ENOX1: variants seen among roughly 807,000 people sequenced by gnomAD.
ENOX1 encodes candidate growth-related and time keeping constitutive hydroquinone (NADH) oxidase.
Under a neutral mutation model 82.5 loss-of-function variants are expected in ENOX1, and 42 were observed. That is an observed-to-expected ratio of 0.51 (90% CI 0.40 to 0.66). ENOX1 has a LOEUF of 0.66. Ranked by LOEUF, ENOX1 falls within the 30% of genes least tolerant of loss-of-function variation. The pLI is 0.00. For synonymous variants in ENOX1, 271 were observed against 282.2 expected (o/e 0.96, Z 0.40); for missense variants, 608 against 811.6 (o/e 0.75, Z 3.05).
At position 43,558,073 on chromosome 13, in the gene ENOX1, C is replaced by T. The variant is rs144934818; in HGVS notation, c.-218-73921G>A. 2.2e-3 allele frequency among the ~76,000 whole-genome samples: 332 copies of T among 152,238 alleles called. 2 individuals are homozygous for T. In the Middle Eastern group the frequency reaches 0.037, roughly 17 times the overall value. On this transcript the variant is annotated intron_variant, in intron 2 of 16. Transcript: ENST00000690772. ...ATGAGAGCTGCACCATGAGTACATG[C>T]TACTTGGAAGGCTGCTTCTGTGGTC... is the stretch of plus-strand genomic sequence containing the variant.
chr13:43,555,553 G>A (rs1477628429), intron 2 of ENOX1, among the ~76,000 whole-genome samples: 1 of 152,170 alleles, frequency 6.6e-6, no homozygotes, highest in African/African-American at 2.4e-5. Context: ...AACATTATGT[G>A]GCAAGGCAGA....
intron 4 of ENOX1, 120 bp from the exon 5 acceptor site, chr13:43,412,173 A>G (rs1192569684): frequency 3.7e-6 from 4 of 1,086,958 alleles, no homozygotes; most frequent in Non-Finnish European, 3.9e-6. Flanking sequence ...CAAAAAAAAA[A>G]TAAAGAACTA....
chr13:43,292,089 T>C (rs975023464), intron 12 of ENOX1, among the ~76,000 whole-genome samples: 1 of 151,930 alleles, frequency 6.6e-6, no homozygotes, highest in Non-Finnish European at 1.5e-5. Context: ...AACCTGTACA[T>C]AAAAGAGAGA....
intron 9 of ENOX1, among the ~76,000 whole-genome samples, chr13:43,341,152 A>C (rs9562478): frequency 0.22 from 33,464 of 151,698 alleles, 4,620 homozygotes; most frequent in East Asian, 0.58. Flanking sequence ...AAAAAATCAG[A>C]TGGGCGTGGT....
chr13:43,310,028 C>A (rs982180192), intron 11 of ENOX1, among the ~76,000 whole-genome samples: 1 of 151,784 alleles, frequency 6.6e-6, no homozygotes, highest in Non-Finnish European at 1.5e-5. Flanking sequence ...ACAGTGAGAC[C>A]CCGTCTCTAC....
intron 2 of ENOX1, among the ~76,000 whole-genome samples, chr13:43,588,896 T>G (rs1480867071): frequency 1.3e-5 from 2 of 152,304 alleles, no homozygotes; most frequent in East Asian, 3.9e-4. Flanking sequence ...TCTTGGTGTC[T>G]CTTAACCATA....
intron 11 of ENOX1, among the ~76,000 whole-genome samples, chr13:43,317,497 C>T (rs1203630759): frequency 6.6e-6 from 1 of 151,920 alleles, no homozygotes; most frequent in African/African-American, 2.4e-5. Flanking sequence ...GGTTGTCCTG[C>T]TATTCAAAGA....
chr13:43,717,812 A>G (rs760258602), intron 1 of ENOX1, among the ~76,000 whole-genome samples: 2 of 152,242 alleles, frequency 1.3e-5, no homozygotes, highest in African/African-American at 2.4e-5. Context: ...CATCAGAGAA[A>G]TGCAAATCAA....
Position 43,668,670 on chromosome 13 carries a change from A to G in ENOX1, c.-284-1126T>C, listed in dbSNP as rs561350156. Among the ~76,000 whole-genome samples, 237 of 152,324 alleles carry G rather than the reference A, an allele frequency of 1.6e-3. 1 individual carries two copies. Among genetic ancestry groups the G allele is most frequent in the Non-Finnish European group, 2.2e-3 (153 of 68,030 alleles). On this transcript the variant is annotated intron_variant, in intron 1 of 16. Transcript: ENST00000690772. The stretch of plus-strand genomic sequence containing the variant: ...GTAAAGAGCCCCAAAGTGGAAGGAT[A>G]AAAATTACCACATGGCATGATAGAT...
intron 3 of ENOX1, among the ~76,000 whole-genome samples, chr13:43,476,528 T>C (rs1413416703): frequency 6.6e-6 from 1 of 152,128 alleles, no homozygotes; most frequent in Non-Finnish European, 1.5e-5. Context: ...CTTCAAAAAG[T>C]AACTCTCCTG....
intron 2 of ENOX1, among the ~76,000 whole-genome samples, chr13:43,493,237 A>T (rs2076682480): frequency 6.6e-6 from 1 of 152,114 alleles, no homozygotes; most frequent in Admixed American, 6.5e-5. Context: ...ATAGAGAGAG[A>T]GATGTATAAT....
chr13:43,766,578 C>G (rs1951285038), intron 1 of ENOX1, among the ~76,000 whole-genome samples: 1 of 152,102 alleles, frequency 6.6e-6, no homozygotes, highest in South Asian at 2.1e-4. Context: ...AACTTTGGAG[C>G]ACTGAAGTCT....
chr13:43,602,239 T>C (rs906969158), intron 2 of ENOX1, among the ~76,000 whole-genome samples: 9 of 151,906 alleles, frequency 5.9e-5, no homozygotes, highest in Non-Finnish European at 1.0e-4. Context: ...ACAATATACA[T>C]GACAGAGAAA....
intron 2 of ENOX1, among the ~76,000 whole-genome samples, chr13:43,585,768 AG>A (rs1166201582): frequency 1.3e-5 from 2 of 152,098 alleles, no homozygotes; most frequent in African/African-American, 4.8e-5. Flanking sequence ...TAGTAGAGAC[AG>A]GGTTTCACTA....
intron 14 of ENOX1, among the ~76,000 whole-genome samples, chr13:43,260,207 TG>T (rs1399305389): frequency 6.6e-6 from 1 of 152,240 alleles, no homozygotes; most frequent in Non-Finnish European, 1.5e-5. Context: ...GTCTTTACTC[TG>T]ACAGACTTAA....
intron 16 of ENOX1, among the ~76,000 whole-genome samples, chr13:43,218,575 G>A (rs1349145371): frequency 2.6e-5 from 4 of 152,212 alleles, no homozygotes. Context: ...GCAGTGAGCT[G>A]TGATTGCTCC....
intron 14 of ENOX1, among the ~76,000 whole-genome samples, chr13:43,258,979 A>C (rs2043905925): frequency 1.3e-5 from 2 of 152,208 alleles, no homozygotes; most frequent in South Asian, 4.1e-4. Flanking sequence ...AGTCAGCTCC[A>C]TGTGGGGGCA....
chr13:43,443,273 G>A (rs900957316), intron 3 of ENOX1, among the ~76,000 whole-genome samples: 1 of 152,032 alleles, frequency 6.6e-6, no homozygotes. Context: ...AATGACCAAT[G>A]TTCCCATATA....
At chr13:43,330,092 C>T (rs1236205072) in intron 9 of ENOX1, among the ~76,000 whole-genome samples, 1 of 152,180 alleles carries the variant, frequency 6.6e-6, no homozygotes. Context: ...GAGAGGAAGT[C>T]CATGAATTAG....
Sources: allele counts gnomAD v4.1 joint callset (sites outside exome capture counted in the v4.1 genomes callset), GRCh38; gene constraint gnomAD v4.1.1; transcripts MANE v1.5; gene names NCBI Gene and HGNC (gene_info 2026-07-23, HGNC 2026-07-21).